CEP192: variants seen among roughly 807,000 people sequenced by gnomAD.
The protein encoded by CEP192 is centrosomal protein of 192 kDa.
Under a neutral mutation model 271.8 loss-of-function variants are expected in CEP192, and 151 were observed. The ratio of observed to expected loss-of-function variants is 0.56; its 90% CI spans 0.49 to 0.64. CEP192 has a LOEUF of 0.64. Ranked by LOEUF, CEP192 falls within the 30% of genes least tolerant of loss-of-function variation. The pLI is 0.00. For missense variants in CEP192, 2,910 were observed against 3,020.5 expected, an observed-to-expected ratio of 0.96 and a Z score of 0.86; for synonymous variants, 995 against 1,076.5, an observed-to-expected ratio of 0.92 and a Z score of 1.48.
chr18:13,102,591 C>T (rs887307426), intron 38 of CEP192, among the ~76,000 whole-genome samples: 8 of 152,148 alleles, frequency 5.3e-5, no homozygotes, highest in African/African-American at 1.4e-4. Context: ...ATCCAGGGTC[C>T]GTTTTGTGTC....
chr18:13,037,103 A>G, intron 11 of CEP192, 134 bp from the exon 12 acceptor site: 2 of 572,208 alleles, frequency 3.5e-6, no homozygotes, highest in South Asian at 4.1e-5. Flanking sequence ...CAGATGCATG[A>G]GTCATGAGTG....
chr18:13,047,266 A>G (rs2036534826), intron 15 of CEP192, among the ~76,000 whole-genome samples: 1 of 152,120 alleles, frequency 6.6e-6, no homozygotes. Flanking sequence ...AACCAGTTGG[A>G]TGCTGGTTTA....
chr18:13,075,781 A>G (rs1399040385), intron 30 of CEP192, among the ~76,000 whole-genome samples: 2 of 152,202 alleles, frequency 1.3e-5, no homozygotes, highest in Non-Finnish European at 1.5e-5. Context: ...CATTTTGCAC[A>G]TGTGTAAACT....
chr18:13,076,238 C>CT (rs1320706948), intron 30 of CEP192, among the ~76,000 whole-genome samples: 9 of 151,894 alleles, frequency 5.9e-5, no homozygotes, highest in Non-Finnish European at 1.3e-4. Context: ...TTTTTCTTTT[C>CT]TTTTTTTTGA....
intron 13 of CEP192, among the ~76,000 whole-genome samples, chr18:13,039,313 G>C (rs1403276311): frequency 6.6e-6 from 1 of 152,084 alleles, no homozygotes; most frequent in Non-Finnish European, 1.5e-5. Flanking sequence ...AAATTAGCCA[G>C]ATATGGTGGT....
chr18:13,118,156 G>C (rs79696774), intron 44 of CEP192, among the ~76,000 whole-genome samples: 3 of 152,056 alleles, frequency 2.0e-5, no homozygotes, highest in African/African-American at 4.8e-5. Context: ...TTTTCTATAT[G>C]ATGCACATTT....
At chr18:12,997,458 T>C (rs962509888) in intron 1 of CEP192, among the ~76,000 whole-genome samples, 10 of 152,206 alleles carry the variant, frequency 6.6e-5, no homozygotes, top group African/African-American at 2.4e-4. Context: ...ATATCATTTC[T>C]TACTTTCCAA....
intron 9 of CEP192, among the ~76,000 whole-genome samples, chr18:13,025,598 C>CT (rs913563763): frequency 3.9e-5 from 6 of 152,240 alleles, no homozygotes; most frequent in African/African-American, 1.4e-4. Context: ...TTTTGTCCCA[C>CT]TTTTTTTAGT....
intron 15 of CEP192, among the ~76,000 whole-genome samples, chr18:13,046,847 T>C (rs1219582865): frequency 6.7e-6 from 1 of 150,040 alleles, no homozygotes; most frequent in Non-Finnish European, 1.5e-5. Flanking sequence ...TTTTTTTTTT[T>C]GTAAGGGACT....
In CEP192 at chr18:13,043,910, T is replaced by C. The variant is rs554337653; in HGVS notation, c.2067+1576T>C. Among the ~76,000 whole-genome samples the C allele has an allele frequency of 6.5e-4, 99 of 152,272 alleles. 1 individual carries two copies. The highest frequency in any genetic ancestry group is 2.3e-3 in the African/African-American group (96 of 41,568). ...TAGTTGTATATATTTATGGGGTACA[T>C]GAGATGTTTTGGTACAGGCATGCAA... On this transcript the variant is annotated intron_variant, in intron 15 of 44. Transcript: ENST00000506447.
At position 13,015,431 on chromosome 18, in the gene CEP192, G is replaced by A. The variant is rs2143029583; in HGVS notation, c.623G>A (p.Ser208Asn). The A allele has an allele frequency of 6.4e-7, 1 of 1,551,316 alleles. No individual in the cohort carries two copies. The highest frequency in any genetic ancestry group is 8.7e-7 in the Non-Finnish European group (1 of 1,146,776). ...AATGAGAAACTTATCTTACCGACAA[G>A]CTTGGAAGATTCTTCTGGTACTGCA... The part of the protein sequence containing the change: ...LENEKLILPT[S>N]LEDSSDDDID... The change falls in exon 6 of 45, where the codon AGC becomes AAC. Residue 208 changes from serine (S) to asparagine (N), a missense_variant. By Grantham distance (46) the Ser-to-Asn change is conservative. Coordinates refer to ENST00000506447, the MANE Select transcript of CEP192 (RefSeq NM_032142.4).
At chr18:12,995,353 C>G (rs1026246003) in intron 1 of CEP192, among the ~76,000 whole-genome samples, 6 of 152,140 alleles carry the variant, frequency 3.9e-5, no homozygotes, top group African/African-American at 1.4e-4. Flanking sequence ...CGTGAGCCAC[C>G]ACGCCCGGCC....
chr18:13,041,311 A>C (rs1465123550), intron 14 of CEP192, among the ~76,000 whole-genome samples: 1 of 152,168 alleles, frequency 6.6e-6, no homozygotes, highest in Non-Finnish European at 1.5e-5. Flanking sequence ...ATGATAATCT[A>C]TGATAATTTT....
chr18:13,003,451 G>GAAAAA (rs545191456), intron 3 of CEP192, among the ~76,000 whole-genome samples: 3 of 101,514 alleles, frequency 3.0e-5, no homozygotes, highest in African/African-American at 6.9e-5. Context: ...TCTGTCTCAA[G>GAAAAA]AAAAAAAAAA....
intron 40 of CEP192, among the ~76,000 whole-genome samples, chr18:13,109,319 C>T (rs2040100396): frequency 6.6e-6 from 1 of 152,260 alleles, no homozygotes; most frequent in South Asian, 2.1e-4. Context: ...CACATTTTCT[C>T]ACTTATAAGT....
In CEP192 at chr18:13,030,005, A is replaced by C. The variant is rs1433551387; in HGVS notation, c.1390+3A>C. On this transcript the variant is annotated splice_donor_region_variant and intron_variant, in intron 10 of 44. Transcript: ENST00000506447. ...GTCCATCGAAAAGAATAAAGACAGT[A>C]AGTGGACTTTTTAAAAAATAGAGTG... The C allele has an allele frequency of 6.5e-7, 1 of 1,527,934 alleles. No homozygotes were observed. The highest frequency in any genetic ancestry group is 8.8e-7 in the Non-Finnish European group (1 of 1,131,780). 94.6% of individuals were successfully genotyped at this position (1,527,934 alleles called of 1,614,324 possible). A position where few individuals can be genotyped will look rare whatever the true frequency, so the allele number is the denominator to read the frequency against.
rs2034690958 is a variant in CEP192, at chr18:13,017,083, C to CTTA, written c.641-104_641-102dup. ...TGTCAAACAAAAAAGACACCAAAATCTTAGTCCATTGACTCATTTATGTCT... is the reference window on the plus strand; with the variant it reads ...TGTCAAACAAAAAAGACACCAAAATCTTATTAGTCCATTGACTCATTTATGTCT... On this transcript the variant is annotated intron_variant, in intron 6 of 44. Transcript: ENST00000506447. 4 of 811,334 alleles carry CTTA rather than the reference C, an allele frequency of 4.9e-6. No homozygotes were observed. In the East Asian group the frequency reaches 1.1e-4, roughly 23 times the overall value. The allele number at this position is 811,334 out of a possible 1,614,324, so 50.3% of individuals were successfully genotyped here. A position where few individuals can be genotyped will look rare whatever the true frequency, so the allele number is the denominator to read the frequency against.
In CEP192 at chr18:13,056,392, A is replaced by G. The variant is rs1208093941; in HGVS notation, c.3802A>G (p.Thr1268Ala). The G allele has an allele frequency of 6.2e-7, 1 of 1,614,258 alleles. No individual in the cohort carries two copies. Among genetic ancestry groups the G allele is most frequent in the South Asian group, 1.1e-5 (1 of 91,090 alleles). The change falls in exon 19 of 45, where the codon ACA (threonine) becomes GCA (alanine). Residue 1268 changes from threonine to alanine, a missense_variant. Physicochemically the swap from Thr to Ala is moderately conservative, Grantham distance 58. Transcript: ENST00000506447. ...AAPFAQRYLG[T>A]LPSTGSTTLP... ...TCCTTTTGCTCAGCGGTATTTGGGA[A>G]CACTCCCTTCAACTGGAAGCACCAC... is the stretch of plus-strand genomic sequence containing the variant.
chr18:13,072,490 T>C (rs2038062360), intron 28 of CEP192, among the ~76,000 whole-genome samples: 1 of 152,220 alleles, frequency 6.6e-6, no homozygotes, highest in African/African-American at 2.4e-5. Flanking sequence ...ATAATACCTA[T>C]ACACATAGTA....
Sources: allele counts gnomAD v4.1 joint callset (sites outside exome capture counted in the v4.1 genomes callset), GRCh38; gene constraint gnomAD v4.1.1; transcripts MANE v1.5; gene names NCBI Gene and HGNC (gene_info 2026-07-23, HGNC 2026-07-21).